The following LOC400499 variants were observed in gnomAD, a reference collection of about 807,000 sequenced individuals.
At chr16:11,391,838 G>C in the LOC400499 span, 2 of 1,231,820 alleles carry the variant, frequency 1.6e-6, no homozygotes, top group African/African-American at 1.6e-5. Flanking sequence ...CTGCCACGCC[G>C]TCCAGGGTGC....
chr16:11,485,496 G>A, the LOC400499 span, among the ~76,000 whole-genome samples: 1 of 152,062 alleles, frequency 6.6e-6, no homozygotes, highest in South Asian at 2.1e-4. Context: ...ATGGGGGGGA[G>A]GGTTTCAAAA....
At chr16:11,443,422 T>C in the LOC400499 span, 7 of 416,336 alleles carry the variant, frequency 1.7e-5, no homozygotes, top group Non-Finnish European at 2.8e-5. Flanking sequence ...GATCAAGTCA[T>C]TGCACTCCAG....
chr16:11,456,713 C>T, the LOC400499 span: 2 of 970,096 alleles, frequency 2.1e-6, no homozygotes. Context: ...CAGGCGTGAG[C>T]CACTGTGCCT....
chr16:11,408,324 G>A, the LOC400499 span, among the ~76,000 whole-genome samples: 6 of 151,904 alleles, frequency 3.9e-5, no homozygotes, highest in African/African-American at 7.3e-5. Context: ...GCGTCATTTC[G>A]TTAGTGATAC....
the LOC400499 span, among the ~76,000 whole-genome samples, chr16:11,467,915 C>A: frequency 6.6e-6 from 1 of 152,132 alleles, no homozygotes; most frequent in Non-Finnish European, 1.5e-5. Context: ...GAACCCTAAT[C>A]CCGTTTGCCT....
the LOC400499 span, among the ~76,000 whole-genome samples, chr16:11,499,487 C>T: frequency 2.0e-5 from 3 of 151,990 alleles, no homozygotes; most frequent in Admixed American, 6.6e-5. Context: ...CCTCTTGGGA[C>T]CCAATCTGGG....
the LOC400499 span, chr16:11,456,960 T>G: frequency 6.5e-7 from 1 of 1,536,206 alleles, no homozygotes; most frequent in Non-Finnish European, 8.7e-7. Flanking sequence ...ACTGCTGCTC[T>G]CCACATAGGG....
chr16:11,387,963 G>C, the LOC400499 span, among the ~76,000 whole-genome samples: 1 of 152,128 alleles, frequency 6.6e-6, no homozygotes. Context: ...GGGAGGACTG[G>C]AACTTTCTCA....
At chr16:11,452,238 T>C in the LOC400499 span, among the ~76,000 whole-genome samples, 1 of 142,374 alleles carries the variant, frequency 7.0e-6, no homozygotes, top group Non-Finnish European at 1.5e-5. Flanking sequence ...GAGGTCATGG[T>C]CATTCATTTA....
chr16:11,441,329 A>C, the LOC400499 span, among the ~76,000 whole-genome samples: 1 of 152,220 alleles, frequency 6.6e-6, no homozygotes, highest in Admixed American at 6.5e-5. Flanking sequence ...TTGCTCAAAG[A>C]AAGTGCCTTG....
the LOC400499 span, among the ~76,000 whole-genome samples, chr16:11,490,131 A>T: frequency 6.6e-6 from 1 of 152,188 alleles, no homozygotes; most frequent in Admixed American, 6.5e-5. Flanking sequence ...CCAGTGGCTC[A>T]TCCCTGTCAT....
chr16:11,428,614 C>T, the LOC400499 span, among the ~76,000 whole-genome samples: 4 of 152,186 alleles, frequency 2.6e-5, no homozygotes, highest in East Asian at 5.8e-4. Context: ...TGGTGGCATT[C>T]GGCCGGCTTC....
the LOC400499 span, among the ~76,000 whole-genome samples, chr16:11,479,269 G>C: frequency 1.3e-5 from 2 of 152,150 alleles, no homozygotes; most frequent in Non-Finnish European, 2.9e-5. Context: ...GAGAGACTGT[G>C]TGTATGTTTT....
At chr16:11,420,334 T>A in the LOC400499 span, among the ~76,000 whole-genome samples, 1 of 150,792 alleles carries the variant, frequency 6.6e-6, no homozygotes, top group East Asian at 2.0e-4. Flanking sequence ...CTCAGCAAAC[T>A]ATCACAAGGA....
the LOC400499 span, chr16:11,448,911 G>T: frequency 6.8e-7 from 1 of 1,466,552 alleles, no homozygotes; most frequent in Non-Finnish European, 9.1e-7. Flanking sequence ...GGCCTCCTGG[G>T]TTCTTACCCA....
chr16:11,494,432 A>G, the LOC400499 span: 1 of 389,000 alleles, frequency 2.6e-6, no homozygotes, highest in East Asian at 3.7e-5. Flanking sequence ...AGACGGGTTG[A>G]AGTGGGGAAG....
the LOC400499 span, among the ~76,000 whole-genome samples, chr16:11,518,109 C>T: frequency 2.6e-5 from 4 of 152,274 alleles, no homozygotes; most frequent in African/African-American, 7.2e-5. Flanking sequence ...ACCCCTGGCC[C>T]CGCTGACTTA....
the LOC400499 span, chr16:11,446,401 T>C: frequency 1.4e-6 from 1 of 692,930 alleles, no homozygotes; most frequent in African/African-American, 1.8e-5. Context: ...TAAGCGATCT[T>C]CTCACCTCAG....
the LOC400499 span, among the ~76,000 whole-genome samples, chr16:11,511,757 T>G: frequency 3.9e-5 from 6 of 152,214 alleles, no homozygotes; most frequent in Admixed American, 3.3e-4. Flanking sequence ...CGGAGCACAG[T>G]GGTTCACACC....
Sources: gnomAD v4.1 joint callset for allele counts (sites outside exome capture counted in the v4.1 genomes callset) on GRCh38, gnomAD v4.1.1 for gene constraint, MANE v1.5 for transcripts.